The following CFAP99 variants were observed in gnomAD, a reference collection of about 807,000 sequenced individuals.
CFAP99 encodes the protein cilia and flagella associated protein 99, also known as cilia- and flagella-associated protein 99.
In CFAP99, 84 loss-of-function variants were observed where a neutral mutation model predicts 82.7. That is an observed-to-expected ratio of 1.02 (90% CI 0.85 to 1.22). CFAP99 has a LOEUF of 1.22. CFAP99 is among the 50% of genes most tolerant of loss of function. The probability of loss-of-function intolerance (pLI) is 0.00; values close to 1 mark genes in which losing one functional copy is unlikely to be tolerated. For missense variants in CFAP99, 1,059 were observed against 983.5 expected, an observed-to-expected ratio of 1.08 and a Z score of -1.03; for synonymous variants, 456 against 429.5, an observed-to-expected ratio of 1.06 and a Z score of -0.76.
At position 2,462,669 on chromosome 4, in the gene CFAP99, G is replaced by C; in HGVS notation, c.1888G>C (p.Ala630Pro). The change falls in exon 15 of 15, where the codon GCG becomes CCG. Residue 630 changes from alanine to proline, a missense_variant. Ala to Pro is a conservative substitution (Grantham distance 27, BLOSUM62 -1). Transcript: ENST00000635017. The surrounding 1 kb of genome is among the most constrained non-coding windows in gnomAD (Gnocchi z 4.1). ...AGCCGGGGCCGGGTGGGGATGGCGG[G>C]CGCGGCGCGCAGGGACCGGCGTCCC... 1 of 1,266,918 alleles carries C rather than the reference G, an allele frequency of 7.9e-7. No homozygotes were observed. Among genetic ancestry groups the C allele is most frequent in the Non-Finnish European group, 9.9e-7 (1 of 1,008,314 alleles). The allele number at this position is 1,266,918 out of a possible 1,614,324, so 78.5% of individuals were successfully genotyped here.
chr4:2,422,806 G>A (rs1388950164), intron 1 of CFAP99, among the ~76,000 whole-genome samples: 5 of 152,178 alleles, frequency 3.3e-5, no homozygotes. Context: ...TCTAGAAGTA[G>A]ACCTTTACAT....
intron 7 of CFAP99, 83 bp from the exon 8 acceptor site, chr4:2,449,851 C>A: frequency 6.6e-7 from 1 of 1,526,462 alleles, no homozygotes. Flanking sequence ...GAGGGGGAGG[C>A]TGGGTGGAAG....
chr4:2,420,463 G>A (rs905251210), intron 1 of CFAP99, among the ~76,000 whole-genome samples: 1 of 152,020 alleles, frequency 6.6e-6, no homozygotes, highest in African/African-American at 2.4e-5. Context: ...ACAGGATCTT[G>A]GGGTAGACAC....
At chr4:2,460,164 C>T in exon 14 of CFAP99, 1 of 1,536,102 alleles carries the variant, frequency 6.5e-7, no homozygotes, top group Non-Finnish European at 8.7e-7. Flanking sequence ...GGCAAGCACA[C>T]CAAGAGCCAG....
exon 10 of CFAP99, chr4:2,451,335 G>A (rs1734296157): frequency 6.5e-7 from 1 of 1,535,622 alleles, no homozygotes. Flanking sequence ...AGCGGCAGGT[G>A]GAGCAGGAGC....
chr4:2,449,706 C>G, exon 7 of CFAP99: 1 of 1,536,164 alleles, frequency 6.5e-7, no homozygotes, highest in Middle Eastern at 1.7e-4. Context: ...CAAGGAGCAG[C>G]AGCAGCTGGA....
chr4:2,441,533 A>G (rs1337091951), intron 4 of CFAP99, among the ~76,000 whole-genome samples: 1 of 152,148 alleles, frequency 6.6e-6, no homozygotes, highest in Non-Finnish European at 1.5e-5. Context: ...CTCCCTAGGA[A>G]TTTGGGGCGC....
chr4:2,457,193 T>G (rs1349999120), intron 11 of CFAP99, among the ~76,000 whole-genome samples: 1 of 152,070 alleles, frequency 6.6e-6, no homozygotes, highest in African/African-American at 2.4e-5. Flanking sequence ...TCCTCCCCCC[T>G]CAGCTTCCCC....
intron 11 of CFAP99, among the ~76,000 whole-genome samples, chr4:2,457,197 C>G (rs556488555): frequency 6.6e-6 from 1 of 152,240 alleles, no homozygotes; most frequent in East Asian, 1.9e-4. Flanking sequence ...CCCCCCTCAG[C>G]TTCCCCACGC....
At chr4:2,452,044 G>A (rs1434332626) in intron 10 of CFAP99, 98 bp from the exon 11 acceptor site, 11 of 1,263,732 alleles carry the variant, frequency 8.7e-6, no homozygotes, top group Non-Finnish European at 1.2e-5. Context: ...AGCAGCCCAC[G>A]CCTGCGCAGC....
At chr4:2,457,591 G>C (rs556386765) in intron 11 of CFAP99, among the ~76,000 whole-genome samples, 1 of 152,336 alleles carries the variant, frequency 6.6e-6, no homozygotes, top group African/African-American at 2.4e-5. Context: ...CCAGGCATGT[G>C]ACCCTGGACT....
intron 2 of CFAP99, among the ~76,000 whole-genome samples, chr4:2,435,486 C>T (rs946435953): frequency 1.7e-4 from 26 of 151,722 alleles, no homozygotes; most frequent in Admixed American, 1.6e-3. Context: ...AACATAGAGA[C>T]CTTATAAAAA....
rs1339238351 is a variant in CFAP99, at chr4:2,458,876, C to T, written c.1303+12C>T. 3.3e-6 allele frequency: 5 copies of T among 1,531,684 alleles called. No homozygotes were observed. Among genetic ancestry groups the T allele is most frequent in the Non-Finnish European group, 4.4e-6 (5 of 1,144,848 alleles). 94.9% of individuals were successfully genotyped at this position (1,531,684 alleles called of 1,614,324 possible). ...CCGACAGCAGACAGGTAGTCAGGAG[C>T]CAGATGTCACTGGCCCTACCCCGCT... On this transcript the variant is annotated intron_variant, in intron 12 of 14. Coordinates refer to ENST00000635017, the Ensembl canonical transcript of CFAP99.
exon 11 of CFAP99, chr4:2,452,259 A>G (rs1293821002): frequency 6.5e-7 from 1 of 1,535,938 alleles, no homozygotes. Flanking sequence ...GGCGGTTGCA[A>G]GGGAAGCTTA....
intron 12 of CFAP99, 77 bp downstream of exon 12, chr4:2,458,941 T>C (rs1293538720): frequency 1.3e-6 from 2 of 1,481,678 alleles, no homozygotes; most frequent in African/African-American, 2.8e-5. Context: ...CTTTCCTGAG[T>C]GAGCCACTAT....
intron 4 of CFAP99, among the ~76,000 whole-genome samples, chr4:2,440,077 G>A (rs1323406178): frequency 6.6e-6 from 1 of 150,624 alleles, no homozygotes. Flanking sequence ...CCTGACCTCA[G>A]GTGATCCGCC....
intron 4 of CFAP99, among the ~76,000 whole-genome samples, chr4:2,438,564 T>C (rs1264417064): frequency 1.3e-5 from 2 of 152,052 alleles, no homozygotes; most frequent in African/African-American, 4.8e-5. Context: ...GCCCGGCCTC[T>C]GGTTGGTTTT....
At chr4:2,458,633 A>G in intron 11 of CFAP99, 90 bp from the exon 12 acceptor site, 1 of 1,447,734 alleles carries the variant, frequency 6.9e-7, no homozygotes. Context: ...GTCCACCTTC[A>G]GACCTCATGC....
chr4:2,459,350 A>T, intron 13 of CFAP99, 92 bp downstream of exon 13: 1 of 1,393,720 alleles, frequency 7.2e-7, no homozygotes, highest in Non-Finnish European at 9.5e-7. Context: ...CACCAGAGCC[A>T]CAGGTGGGTC....
Sources: allele counts gnomAD v4.1 joint callset (sites outside exome capture counted in the v4.1 genomes callset), GRCh38; gene constraint gnomAD v4.1.1; non-coding constraint Gnocchi (gnomAD v3.1); transcripts MANE v1.5; gene names NCBI Gene and HGNC (gene_info 2026-07-23, HGNC 2026-07-21).